The following NECAB2 variants were observed in gnomAD, a reference collection of about 807,000 sequenced individuals.
NECAB2 encodes N-terminal EF-hand calcium-binding protein 2.
Under a neutral mutation model 51.9 loss-of-function variants are expected in NECAB2, and 68 were observed. The observed-to-expected ratio is 1.31, with a 90% CI of 1.08 to 1.60. The LOEUF is 1.60. Ranked by LOEUF, NECAB2 falls within the 40% of genes most tolerant of loss-of-function variation. The pLI is 0.00. For missense variants in NECAB2, 854 were observed against 490.3 expected (o/e 1.74, Z -7.00); for synonymous variants, 329 against 203.5 (o/e 1.62, Z -5.25).
chr16:83,980,248 C>T (rs1597204225), intron 3 of NECAB2, among the ~76,000 whole-genome samples: 1 of 152,218 alleles, frequency 6.6e-6, no homozygotes. Context: ...TGCAGAACCA[C>T]CATAGTTCCC....
chr16:83,973,310 C>T (rs561413779), intron 2 of NECAB2, among the ~76,000 whole-genome samples: 9 of 152,268 alleles, frequency 5.9e-5, no homozygotes, highest in South Asian at 4.1e-4. Flanking sequence ...TTCCTGTTGA[C>T]GGCTCCCACC....
In NECAB2 at chr16:84,001,756, T is replaced by G; in HGVS notation, c.1041-69T>G. On this transcript the variant is annotated intron_variant, in intron 11 of 12. Coordinates refer to ENST00000305202, the MANE Select transcript of NECAB2 (RefSeq NM_019065.3). ...TCCCCATTTTGGGCTAGAGCTAGGA[T>G]TAACAGGGGAGCCACACGCGGAGCT... 3 of 1,549,244 alleles carry G rather than the reference T, an allele frequency of 1.9e-6. No homozygotes were observed. In the South Asian group the frequency reaches 3.4e-5, roughly 17 times the overall value.
chr16:83,984,768 T>A (rs1387762411), intron 5 of NECAB2, among the ~76,000 whole-genome samples: 1 of 152,156 alleles, frequency 6.6e-6, no homozygotes, highest in African/African-American at 2.4e-5. Context: ...GTAGCTCACA[T>A]CTTAAGTTTC....
rs1410011644 is a variant in NECAB2, at chr16:83,998,306, G to C, written c.951G>C (p.Arg317Ser). The C allele has an allele frequency of 4.3e-6, 7 of 1,613,352 alleles. No homozygotes were observed. Among genetic ancestry groups the C allele is most frequent in the Non-Finnish European group, 5.9e-6 (7 of 1,179,988 alleles). Residue 317 changes from arginine to serine, a missense_variant, in exon 10 of 13, where the codon AGG (arginine) becomes AGC (serine). Coordinates refer to ENST00000305202, the MANE Select transcript of NECAB2 (RefSeq NM_019065.3). ...RQYLRGTTGVRNCFHITAVRL... is the reference protein window; with the variant it reads ...RQYLRGTTGVSNCFHITAVRL... ...ATCTGCGGGGGACCACTGGCGTGAGGAACTGCTTCCAGTGAGTGAGCTGCC... is the reference window on the plus strand; with the variant it reads ...ATCTGCGGGGGACCACTGGCGTGAGCAACTGCTTCCAGTGAGTGAGCTGCC...
chr16:83,998,100 GT>G, intron 9 of NECAB2, 104 bp from the exon 10 acceptor site: 2 of 973,576 alleles, frequency 2.1e-6, no homozygotes, highest in Non-Finnish European at 3.1e-6. Flanking sequence ...GTGGGGGAGG[GT>G]TATTTTATTT....
intron 5 of NECAB2, among the ~76,000 whole-genome samples, chr16:83,988,152 G>C (rs558012815): frequency 1.3e-5 from 2 of 152,178 alleles, no homozygotes; most frequent in African/African-American, 4.8e-5. Flanking sequence ...TGTTTAATCA[G>C]ATCTGGGACT....
Position 84,002,762 on chromosome 16 carries a change from C to G in NECAB2, c.*416C>G, listed in dbSNP as rs115333158. 791 of 211,784 alleles carry G rather than the reference C, an allele frequency of 3.7e-3. 13 individuals carry two copies. Among genetic ancestry groups the G allele is most frequent in the African/African-American group, 0.017 (735 of 44,080 alleles). 13.1% of individuals were successfully genotyped at this position (211,784 alleles called of 1,614,324 possible). A position where few individuals can be genotyped will look rare whatever the true frequency, so the allele number is the denominator to read the frequency against. On this transcript the variant is annotated 3_prime_UTR_variant, in exon 13 of 13. Transcript: ENST00000305202. ...CCACTGTGCCCAGGCGCCAAATAAA[C>G]CCTGGTTGGGAAGAGCTGTGTGCTC...
At chr16:83,978,392 C>G in intron 2 of NECAB2, 52 bp from the exon 3 acceptor site, 3 of 1,512,142 alleles carry the variant, frequency 2.0e-6, no homozygotes, top group South Asian at 1.1e-5. Flanking sequence ...ACTAGCCCCA[C>G]CAGCCTTATC....
At chr16:83,979,767 G>A (rs2151088577) in intron 3 of NECAB2, among the ~76,000 whole-genome samples, 1 of 151,878 alleles carries the variant, frequency 6.6e-6, no homozygotes, top group Non-Finnish European at 1.5e-5. Flanking sequence ...GGGGTGCAGG[G>A]AGGACTCGCG....
At chr16:83,984,829 T>G (rs1021064968) in intron 5 of NECAB2, among the ~76,000 whole-genome samples, 1 of 152,234 alleles carries the variant, frequency 6.6e-6, no homozygotes, top group African/African-American at 2.4e-5. Flanking sequence ...TTGCCTGTTT[T>G]AATTAGCTGT....
At chr16:83,967,594 A>AGGTG (rs1171583748), upstream of NECAB2, among the ~76,000 whole-genome samples, 1 of 73,234 alleles carries the variant, frequency 1.4e-5, no homozygotes, top group East Asian at 5.0e-4. Flanking sequence ...GAGGGTGTGT[A>AGGTG]GGTGGGTGGA....
chr16:84,001,712 C>T (rs1253841663), intron 11 of NECAB2, 113 bp from the exon 12 acceptor site: 2 of 1,119,138 alleles, frequency 1.8e-6, no homozygotes, highest in African/African-American at 1.6e-5. Flanking sequence ...CCAAAGACCC[C>T]CCGTGCTTAT....
intron 9 of NECAB2, 138 bp downstream of exon 9, chr16:83,997,407 G>A: frequency 9.1e-7 from 1 of 1,099,868 alleles, no homozygotes; most frequent in Non-Finnish European, 1.3e-6. Flanking sequence ...CCCAGCGCTT[G>A]GCACCCAGAC....
chr16:84,001,010 C>G (rs1038014655), intron 11 of NECAB2, among the ~76,000 whole-genome samples: 5 of 152,062 alleles, frequency 3.3e-5, no homozygotes, highest in African/African-American at 4.8e-5. Context: ...CCACACTCAG[C>G]TGGGCTTTCC....
intron 3 of NECAB2, among the ~76,000 whole-genome samples, chr16:83,979,330 G>A (rs1458366952): frequency 6.6e-6 from 1 of 152,158 alleles, no homozygotes; most frequent in Non-Finnish European, 1.5e-5. Flanking sequence ...GGTAAGCGGA[G>A]GTTCTCTGAG....
At chr16:83,975,286 A>T (rs113406432) in intron 2 of NECAB2, among the ~76,000 whole-genome samples, 1 of 76,880 alleles carries the variant, frequency 1.3e-5, no homozygotes, top group East Asian at 4.4e-4. Context: ...GGGGATGGGA[A>T]CAGGTGTGCA....
In NECAB2 at chr16:83,968,245, T is replaced by C. The variant is rs7201304; in HGVS notation, c.-404T>C. 0.3 allele frequency among the ~76,000 whole-genome samples: 45,642 copies of C among 150,832 alleles called. 12,739 individuals are homozygous for C. Among genetic ancestry groups the C allele is most frequent in the African/African-American group, 0.75 (30,969 of 41,206 alleles). ...CTCGCTGGACACCCGCGCTTCGGCC[T>C]CTGCTGCGCGCCGCGAGTGGGAGGG... is the stretch of plus-strand genomic sequence containing the variant. On this transcript the variant is annotated 5_prime_UTR_variant, in exon 1 of 13. Transcript: ENST00000305202.
intron 10 of NECAB2, among the ~76,000 whole-genome samples, 179 bp from the exon 11 acceptor site, chr16:84,000,545 C>T (rs1235812016): frequency 6.6e-6 from 1 of 152,174 alleles, no homozygotes; most frequent in Non-Finnish European, 1.5e-5. Flanking sequence ...TATAAGAAGC[C>T]AGGCCTTATT....
rs375891305 is a variant in NECAB2, at chr16:83,999,332, T to C, written c.962+1015T>C. On this transcript the variant is annotated intron_variant, in intron 10 of 12. Transcript: ENST00000305202. The stretch of plus-strand genomic sequence containing the variant: ...GCACAGGAGCAGGGGCCAGACTTGA[T>C]CTTTTTCCATTACGTGAATAAGTGG... 2.6e-5 allele frequency among the ~76,000 whole-genome samples: 4 copies of C among 152,120 alleles called. No homozygotes were observed. In the South Asian group the frequency reaches 8.3e-4, roughly 31 times the overall value.
Sources: allele counts gnomAD v4.1 joint callset (sites outside exome capture counted in the v4.1 genomes callset), GRCh38; gene constraint gnomAD v4.1.1; transcripts MANE v1.5; gene names NCBI Gene and HGNC (gene_info 2026-07-23, HGNC 2026-07-21).